LRRTM4: variants seen among roughly 807,000 people sequenced by gnomAD.
LRRTM4 encodes leucine rich repeat transmembrane neuronal 4.
LRRTM4 carries 25 observed loss-of-function variants against 47.6 expected under a neutral mutation model. The ratio of observed to expected loss-of-function variants is 0.53; its 90% CI spans 0.38 to 0.73. The LOEUF (loss-of-function observed/expected upper bound fraction) is 0.73. Ranked by LOEUF, LRRTM4 falls within the 30% of genes least tolerant of loss-of-function variation. LRRTM4 has a pLI of 0.00. For synonymous variants in LRRTM4, 311 were observed against 269.5 expected, an observed-to-expected ratio of 1.15 and a Z score of -1.51; for missense variants, 638 against 713.4, an observed-to-expected ratio of 0.89 and a Z score of 1.20.
At chr2:76,884,419 T>C (rs72921656) in intron 3 of LRRTM4, among the ~76,000 whole-genome samples, 3,881 of 152,192 alleles carry the variant, frequency 0.026, 162 homozygotes, top group African/African-American at 0.08. Flanking sequence ...ATGTTGAAAA[T>C]TGGAAAATGA....
At chr2:76,904,584 A>T (rs567135657) in intron 3 of LRRTM4, among the ~76,000 whole-genome samples, 3 of 152,204 alleles carry the variant, frequency 2.0e-5, no homozygotes, top group Admixed American at 6.5e-5. Flanking sequence ...GGAGTATAGA[A>T]AATCTTTAGA....
intron 3 of LRRTM4, among the ~76,000 whole-genome samples, chr2:76,772,098 GAAGT>G (rs1673737100): frequency 6.6e-6 from 1 of 152,256 alleles, no homozygotes; most frequent in Non-Finnish European, 1.5e-5. Flanking sequence ...ATGGTATTAA[GAAGT>G]AAGACCTTTG....
At chr2:77,196,322 A>C (rs1673826108) in intron 3 of LRRTM4, among the ~76,000 whole-genome samples, 1 of 152,196 alleles carries the variant, frequency 6.6e-6, no homozygotes, top group Admixed American at 6.5e-5. Context: ...CGTTGAGTAC[A>C]TTCAGTATTC....
chr2:77,298,316 A>C (rs866132128), intron 3 of LRRTM4, among the ~76,000 whole-genome samples: 99 of 152,258 alleles, frequency 6.5e-4, no homozygotes, highest in African/African-American at 2.3e-3. Context: ...GGCTCACTGC[A>C]AGCTCCGTCT....
intron 3 of LRRTM4, among the ~76,000 whole-genome samples, chr2:76,917,099 A>G (rs951011710): frequency 6.6e-6 from 1 of 152,192 alleles, no homozygotes; most frequent in Admixed American, 6.5e-5. Flanking sequence ...GCAAAGGGCC[A>G]GGAAGTGTTT....
intron 3 of LRRTM4, among the ~76,000 whole-genome samples, chr2:76,931,763 A>C (rs1674776592): frequency 6.6e-6 from 1 of 152,234 alleles, no homozygotes; most frequent in South Asian, 2.1e-4. Context: ...GTCCAGGTTT[A>C]CCAGCATAAA....
At chr2:77,216,620 A>T (rs1674447803) in intron 3 of LRRTM4, among the ~76,000 whole-genome samples, 1 of 152,206 alleles carries the variant, frequency 6.6e-6, no homozygotes, top group African/African-American at 2.4e-5. Flanking sequence ...TTCTCCCCTG[A>T]AGATAGCTTG....
intron 3 of LRRTM4, among the ~76,000 whole-genome samples, chr2:77,385,653 C>T (rs949604423): frequency 3.3e-5 from 5 of 151,536 alleles, no homozygotes; most frequent in South Asian, 4.2e-4. Flanking sequence ...AATTTTCACA[C>T]CTGTTGTAAT....
intron 3 of LRRTM4, among the ~76,000 whole-genome samples, chr2:77,185,255 T>A (rs1673467878): frequency 6.6e-6 from 1 of 152,172 alleles, no homozygotes; most frequent in Non-Finnish European, 1.5e-5. Flanking sequence ...ATAAGGGTGC[T>A]GCTCCTGGTA....
At chr2:77,070,037 G>A (rs757094493) in intron 3 of LRRTM4, among the ~76,000 whole-genome samples, 1 of 151,912 alleles carries the variant, frequency 6.6e-6, no homozygotes, top group African/African-American at 2.4e-5. Flanking sequence ...GGCAAGTACT[G>A]CACAGATCAG....
Position 77,495,473 on chromosome 2 carries a change from G to A in LRRTM4, c.1551+22845C>T, listed in dbSNP as rs1678326464. Reference sequence around the variant, plus strand: ...CATATATAATAAATACTTGCCTAACGTAAGGTCACCATTAATTTTTCCTAC... The same window carrying A: ...CATATATAATAAATACTTGCCTAACATAAGGTCACCATTAATTTTTCCTAC... On this transcript the variant is annotated intron_variant, in intron 3 of 3. Coordinates refer to ENST00000409884, the MANE Select transcript of LRRTM4 (RefSeq NM_001134745.3). Among the ~76,000 whole-genome samples the A allele has an allele frequency of 2.0e-5, 3 of 151,876 alleles. No homozygotes were observed. In the South Asian group the frequency reaches 6.2e-4, roughly 31 times the overall value.
intron 3 of LRRTM4, among the ~76,000 whole-genome samples, chr2:76,792,653 A>G (rs1357840408): frequency 1.3e-5 from 2 of 152,182 alleles, no homozygotes; most frequent in African/African-American, 4.8e-5. Context: ...CTAATGATCA[A>G]TTCTCTGTTG....
At chr2:77,147,824 A>C in intron 3 of LRRTM4, among the ~76,000 whole-genome samples, 1 of 152,222 alleles carries the variant, frequency 6.6e-6, no homozygotes, top group Admixed American at 6.6e-5. Context: ...GATTATGCCA[A>C]ATATGTAAAT....
intron 3 of LRRTM4, among the ~76,000 whole-genome samples, chr2:76,991,335 C>T (rs1677135509): frequency 6.6e-6 from 1 of 151,432 alleles, no homozygotes; most frequent in East Asian, 1.9e-4. Context: ...AAAATTCATA[C>T]AAAGGATCAC....
At chr2:77,003,346 T>A (rs377348538) in intron 3 of LRRTM4, among the ~76,000 whole-genome samples, 1 of 152,126 alleles carries the variant, frequency 6.6e-6, no homozygotes, top group Non-Finnish European at 1.5e-5. Context: ...GAAGTTGATA[T>A]GTATTGGCTC....
intron 3 of LRRTM4, among the ~76,000 whole-genome samples, chr2:77,080,716 T>A (rs927223598): frequency 1.3e-5 from 2 of 152,220 alleles, no homozygotes; most frequent in Non-Finnish European, 2.9e-5. Flanking sequence ...TTATTTTATG[T>A]CTAGAACTTA....
At chr2:76,753,975 T>G (rs955127234) in intron 3 of LRRTM4, among the ~76,000 whole-genome samples, 1 of 152,170 alleles carries the variant, frequency 6.6e-6, no homozygotes, top group Non-Finnish European at 1.5e-5. Context: ...TTTGTTAACT[T>G]TTCACGAACA....
chr2:77,462,012 A>G (rs1477536321), intron 3 of LRRTM4, among the ~76,000 whole-genome samples: 2 of 152,140 alleles, frequency 1.3e-5, no homozygotes, highest in Non-Finnish European at 2.9e-5. Flanking sequence ...GTGAATGCAA[A>G]CTGAGAACAA....
chr2:77,083,805 TTTTTTTTTTTTTTTTTTC>T (rs1680614143), intron 3 of LRRTM4, among the ~76,000 whole-genome samples: 1 of 110,918 alleles, frequency 9.0e-6, no homozygotes, highest in Admixed American at 9.1e-5. Context: ...TTTTTTTTTT[TTTTTTTTTTTTTTTTTTC>T]AGACGGAGTC....
Sources: gnomAD v4.1 joint callset for allele counts (sites outside exome capture counted in the v4.1 genomes callset) on GRCh38, gnomAD v4.1.1 for gene constraint, MANE v1.5 for transcripts, NCBI Gene and HGNC (gene_info 2026-07-23, HGNC 2026-07-21) for gene names.